Variants in PAPOLA observed in about 807,000 individuals in gnomAD.
PAPOLA encodes the protein polynucleotide adenylyltransferase alpha.
A neutral mutation model predicts 100.6 loss-of-function variants in PAPOLA; 15 were observed. That is an observed-to-expected ratio of 0.15 (90% CI 0.10 to 0.23). PAPOLA has a LOEUF of 0.23. PAPOLA is among the 10% of genes least tolerant of loss of function. PAPOLA has a pLI of 1.00. For synonymous variants in PAPOLA, 293 were observed against 300.0 expected, an observed-to-expected ratio of 0.98 and a Z score of 0.24; for missense variants, 533 against 884.2, an observed-to-expected ratio of 0.60 and a Z score of 5.04.
intron 9 of PAPOLA, chr14:96,533,588 T>G (rs1479908235): frequency 9.2e-6 from 8 of 873,680 alleles, no homozygotes; most frequent in Non-Finnish European, 9.5e-6. Context: ...GGAGTCTCAC[T>G]CTGTCACCCA....
At chr14:96,539,895 G>GTT (rs35158152) in intron 12 of PAPOLA, among the ~76,000 whole-genome samples, 2 of 151,390 alleles carry the variant, frequency 1.3e-5, no homozygotes, top group African/African-American at 4.8e-5. Flanking sequence ...ATATTTGCGG[G>GTT]TTTTTTTTTA....
chr14:96,552,389 TAAAAATC>T lies in PAPOLA; in HGVS notation c.1522-89_1522-83del, dbSNP rs1734543290. On this transcript the variant is annotated intron_variant, in intron 16 of 21. Coordinates refer to ENST00000216277, the MANE Select transcript of PAPOLA (RefSeq NM_032632.5). ...AGATTTAGTGATCTGTGCTTTTCAG[TAAAAATC>T]ATATATGTTAAGTAAAAGGTTTCCA... 2.0e-5 allele frequency: 24 copies of T among 1,204,608 alleles called. No homozygotes were observed. The South Asian group carries it at 2.3e-4, about 11-fold the overall frequency. 74.6% of individuals were successfully genotyped at this position (1,204,608 alleles called of 1,614,324 possible). A position where few individuals can be genotyped will look rare whatever the true frequency, so the allele number is the denominator to read the frequency against.
At chr14:96,520,430 C>A (rs1455886115) in intron 2 of PAPOLA, among the ~76,000 whole-genome samples, 1 of 152,124 alleles carries the variant, frequency 6.6e-6, no homozygotes, top group Non-Finnish European at 1.5e-5. Flanking sequence ...GGCTGGAGTG[C>A]AATGGTGTGA....
intron 6 of PAPOLA, 105 bp from the exon 7 acceptor site, chr14:96,531,370 C>T (rs1312841359): frequency 1.2e-6 from 1 of 803,906 alleles, no homozygotes; most frequent in Non-Finnish European, 2.0e-6. Flanking sequence ...GTTCCACCTG[C>T]CTCAGCCTCC....
chr14:96,509,720 A>G (rs1263529521), intron 1 of PAPOLA, among the ~76,000 whole-genome samples: 3 of 152,206 alleles, frequency 2.0e-5, no homozygotes, highest in African/African-American at 7.2e-5. Flanking sequence ...GGCACTTGTA[A>G]CACATTAGGA....
chr14:96,516,269 G>T (rs556009171), intron 1 of PAPOLA, among the ~76,000 whole-genome samples: 1 of 152,268 alleles, frequency 6.6e-6, no homozygotes, highest in Non-Finnish European at 1.5e-5. Context: ...AAATTTCAGA[G>T]TATGCATTTG....
intron 19 of PAPOLA, chr14:96,560,373 AT>A (rs1901740444): frequency 3.8e-6 from 1 of 262,134 alleles, no homozygotes; most frequent in Non-Finnish European, 7.0e-6. Flanking sequence ...TACAAAATAT[AT>A]TTCTATGAAC....
At chr14:96,533,172 A>AT (rs1899194618) in intron 9 of PAPOLA, 1 of 984,190 alleles carries the variant, frequency 1.0e-6, no homozygotes, top group Non-Finnish European at 1.2e-6. Flanking sequence ...ATTAACCCAG[A>AT]TTTTTTTAAG....
intron 16 of PAPOLA, among the ~76,000 whole-genome samples, chr14:96,551,922 T>C (rs1169585100): frequency 6.6e-6 from 1 of 152,058 alleles, no homozygotes; most frequent in Non-Finnish European, 1.5e-5. Flanking sequence ...AATTCTGAAT[T>C]GCAATTAGAG....
intron 17 of PAPOLA, 145 bp downstream of exon 17, chr14:96,552,767 A>G: frequency 1.4e-6 from 1 of 700,782 alleles, no homozygotes; most frequent in Non-Finnish European, 2.3e-6. Context: ...TTTAATTCCC[A>G]GGTTTGGGGA....
At chr14:96,564,451 T>A (rs1194265231) in intron 21 of PAPOLA, among the ~76,000 whole-genome samples, 3 of 152,140 alleles carry the variant, frequency 2.0e-5, no homozygotes, top group Non-Finnish European at 4.4e-5. Flanking sequence ...ATGAAAATAA[T>A]CTACCTAAAA....
chr14:96,562,017 C>A (rs377022826), intron 20 of PAPOLA, among the ~76,000 whole-genome samples: 1 of 151,898 alleles, frequency 6.6e-6, no homozygotes, highest in Non-Finnish European at 1.5e-5. Context: ...GCCTCAGCCT[C>A]CCGAGTAGTG....
chr14:96,518,501 C>T (rs544505752), intron 1 of PAPOLA, among the ~76,000 whole-genome samples: 57 of 151,972 alleles, frequency 3.8e-4, no homozygotes, highest in African/African-American at 1.2e-3. Flanking sequence ...CTCCGCCTCC[C>T]AGGTTCACGC....
intron 1 of PAPOLA, chr14:96,502,876 A>G (rs1056921088): frequency 1.5e-5 from 6 of 405,278 alleles, no homozygotes; most frequent in African/African-American, 6.2e-5. Flanking sequence ...GGAACCTCTA[A>G]CTCGCCCGGC....
intron 1 of PAPOLA, among the ~76,000 whole-genome samples, chr14:96,517,317 C>T (rs1005499911): frequency 1.3e-5 from 2 of 152,036 alleles, no homozygotes; most frequent in African/African-American, 4.8e-5. Flanking sequence ...AATACAATTA[C>T]GTTAGGATAT....
At chr14:96,543,158 T>C (rs1313897142) in intron 14 of PAPOLA, among the ~76,000 whole-genome samples, 1 of 152,200 alleles carries the variant, frequency 6.6e-6, no homozygotes, top group Non-Finnish European at 1.5e-5. Flanking sequence ...ATTCTACAGT[T>C]CTGCTTTAAT....
At chr14:96,540,958 C>T (rs1290621635) in intron 12 of PAPOLA, among the ~76,000 whole-genome samples, 2 of 152,188 alleles carry the variant, frequency 1.3e-5, no homozygotes, top group South Asian at 2.1e-4. Context: ...GCGATGATCT[C>T]GGCTCACTGC....
At chr14:96,535,239 T>A (rs1463354157) in intron 10 of PAPOLA, 1 of 921,154 alleles carries the variant, frequency 1.1e-6, no homozygotes, top group Non-Finnish European at 1.3e-6. Context: ...ATCAAAAATT[T>A]TAAATTCTGT....
intron 17 of PAPOLA, chr14:96,553,609 T>C: frequency 6.6e-6 from 1 of 152,506 alleles, no homozygotes; most frequent in Non-Finnish European, 1.5e-5. Context: ...GCCTCCCAGG[T>C]TCAAGCGACT....
Sources: gnomAD v4.1 joint callset for allele counts (sites outside exome capture counted in the v4.1 genomes callset) on GRCh38, gnomAD v4.1.1 for gene constraint, MANE v1.5 for transcripts, NCBI Gene and HGNC (gene_info 2026-07-23, HGNC 2026-07-21) for gene names.